CNGB3: variants seen among roughly 807,000 people sequenced by gnomAD.
CNGB3 encodes the protein cyclic nucleotide gated channel subunit beta 3.
CNGB3 carries 86 observed loss-of-function variants against 92.8 expected under a neutral mutation model. That is an observed-to-expected ratio of 0.93 (90% CI 0.78 to 1.11). CNGB3 has a LOEUF of 1.11. CNGB3 is among the 50% of genes least tolerant of loss of function. The pLI is 0.00. For missense variants in CNGB3, 1,026 were observed against 956.8 expected, an observed-to-expected ratio of 1.07 and a Z score of -0.95; for synonymous variants, 333 against 332.7, an observed-to-expected ratio of 1.00 and a Z score of -0.01.
chr8:86,721,569 C>A lies in CNGB3; in HGVS notation c.338+4962G>T, dbSNP rs547395524. On this transcript the variant is annotated intron_variant, in intron 3 of 17. Transcript: ENST00000320005. ...TATTGAAATAAAAAATAAATAAAAA[C>A]AGATTTGATGATCTGTTGTTTAAAT... is the stretch of plus-strand genomic sequence containing the variant. Among the ~76,000 whole-genome samples the A allele has an allele frequency of 2.2e-4, 34 of 152,102 alleles. No individual in the cohort carries two copies. The South Asian group carries it at 6.9e-3, about 31-fold the overall frequency.
intron 13 of CNGB3, among the ~76,000 whole-genome samples, chr8:86,613,664 C>T (rs988665580): frequency 3.3e-5 from 5 of 151,804 alleles, no homozygotes; most frequent in Admixed American, 6.6e-5. Context: ...CACTTATATT[C>T]GTTTTCATAT....
At chr8:86,656,111 G>A (rs1230834467) in intron 6 of CNGB3, among the ~76,000 whole-genome samples, 1 of 152,118 alleles carries the variant, frequency 6.6e-6, no homozygotes, top group Non-Finnish European at 1.5e-5. Context: ...TATATGACAT[G>A]CTCATTTAAT....
chr8:86,593,247 C>T (rs1315014293), intron 15 of CNGB3, among the ~76,000 whole-genome samples: 1 of 152,188 alleles, frequency 6.6e-6, no homozygotes, highest in Non-Finnish European at 1.5e-5. Context: ...CTGGGTATAA[C>T]TTCTAAGGAA....
chr8:86,667,168 A>T (rs1823759384), intron 5 of CNGB3, 35 bp from the exon 6 acceptor site: 2 of 1,569,170 alleles, frequency 1.3e-6, no homozygotes, highest in Non-Finnish European at 1.8e-6. Context: ...TCCAAATGAC[A>T]TAGAACAAAC....
intron 6 of CNGB3, chr8:86,661,263 G>C (rs1374984996): frequency 1.8e-5 from 6 of 338,012 alleles, no homozygotes; most frequent in Admixed American, 3.5e-5. Context: ...AAGACTATCA[G>C]GGTCGACCTT....
chr8:86,737,739 C>T (rs1825271718), intron 2 of CNGB3, among the ~76,000 whole-genome samples: 1 of 152,122 alleles, frequency 6.6e-6, no homozygotes, highest in Non-Finnish European at 1.5e-5. Flanking sequence ...TTCTCCCATC[C>T]TCCACCCTCA....
At chr8:86,638,211 A>G (rs1448093777) in intron 10 of CNGB3, among the ~76,000 whole-genome samples, 3 of 152,126 alleles carry the variant, frequency 2.0e-5, no homozygotes, top group East Asian at 3.8e-4. Context: ...CTGTGAACAT[A>G]TATTTTCATT....
At chr8:86,714,669 T>A (rs1563764012) in intron 3 of CNGB3, among the ~76,000 whole-genome samples, 1 of 151,944 alleles carries the variant, frequency 6.6e-6, no homozygotes, top group East Asian at 1.9e-4. Flanking sequence ...AGGAACTAGA[T>A]CACTGCTGCA....
In CNGB3 at chr8:86,669,861, AT is replaced by A. The variant is rs573701899; in HGVS notation, c.493+1082del. On this transcript the variant is annotated intron_variant, in intron 4 of 17. Transcript: ENST00000320005. ...TTTTGTGCTCTATATTATCATATTGATTTTTTTTTTTTCGGAGTCTTGCTCT... is the reference window on the plus strand; with the variant it reads ...TTTTGTGCTCTATATTATCATATTGATTTTTTTTTTTCGGAGTCTTGCTCT... Among the ~76,000 whole-genome samples the A allele has an allele frequency of 9.4e-3, 1,389 of 147,108 alleles. 19 individuals are homozygous for A. Among genetic ancestry groups the A allele is most frequent in the African/African-American group, 0.031 (1,265 of 40,304 alleles).
At chr8:86,701,444 C>T (rs889236542) in intron 3 of CNGB3, among the ~76,000 whole-genome samples, 1 of 152,226 alleles carries the variant, frequency 6.6e-6, no homozygotes, top group Admixed American at 6.5e-5. Flanking sequence ...AGAAGACAAG[C>T]TTTGGAGGAC....
chr8:86,625,004 C>T (rs2131579520), intron 13 of CNGB3, among the ~76,000 whole-genome samples: 1 of 152,258 alleles, frequency 6.6e-6, no homozygotes, highest in African/African-American at 2.4e-5. Context: ...ATATAAGATG[C>T]CTGCCCCTGC....
At chr8:86,623,310 G>T (rs1169791585) in intron 13 of CNGB3, among the ~76,000 whole-genome samples, 2 of 152,104 alleles carry the variant, frequency 1.3e-5, no homozygotes, top group Non-Finnish European at 2.9e-5. Context: ...ATCTGTTTTT[G>T]TGCTGATATT....
intron 4 of CNGB3, among the ~76,000 whole-genome samples, chr8:86,670,294 C>A (rs1358065016): frequency 6.6e-6 from 1 of 152,168 alleles, no homozygotes; most frequent in Admixed American, 6.5e-5. Flanking sequence ...CTTTGCATAA[C>A]ATGGGTATTT....
chr8:86,653,779 A>G (rs1209440237), intron 7 of CNGB3, among the ~76,000 whole-genome samples: 1 of 152,148 alleles, frequency 6.6e-6, no homozygotes, highest in Non-Finnish European at 1.5e-5. Flanking sequence ...TAGAATTCAA[A>G]TCTGGGCACT....
chr8:86,739,489 A>T lies in CNGB3; in HGVS notation c.211+166T>A, dbSNP rs1825303387. On this transcript the variant is annotated intron_variant, in intron 2 of 17. Coordinates refer to ENST00000320005, the MANE Select transcript of CNGB3 (RefSeq NM_019098.5). The stretch of plus-strand genomic sequence containing the variant: ...ATTGCATGGACAAATGAGTTACTGA[A>T]TGAGGATATAAAGTTTTTGAAATAT... Among the ~76,000 whole-genome samples, 3 of 152,228 alleles carry T rather than the reference A, an allele frequency of 2.0e-5. No homozygotes were observed. In the South Asian group the frequency reaches 6.2e-4, roughly 32 times the overall value.
chr8:86,656,535 C>T (rs992175891), intron 6 of CNGB3, among the ~76,000 whole-genome samples: 3 of 152,130 alleles, frequency 2.0e-5, no homozygotes, highest in African/African-American at 7.2e-5. Context: ...TTTAAAATGT[C>T]ACCCCACTTA....
At chr8:86,695,850 G>T (rs1377566472) in intron 3 of CNGB3, among the ~76,000 whole-genome samples, 3 of 152,094 alleles carry the variant, frequency 2.0e-5, no homozygotes. Flanking sequence ...CCCTTGATTT[G>T]GTGCTCTCCC....
intron 11 of CNGB3, among the ~76,000 whole-genome samples, chr8:86,629,885 C>T (rs1563732917): frequency 6.6e-6 from 1 of 152,134 alleles, no homozygotes; most frequent in South Asian, 2.1e-4. Context: ...TAGAGGGAGG[C>T]AAGTGGCTGT....
At chr8:86,597,171 T>TA (rs1189666171) in intron 15 of CNGB3, among the ~76,000 whole-genome samples, 4 of 152,054 alleles carry the variant, frequency 2.6e-5, no homozygotes, top group East Asian at 1.9e-4. Context: ...TAAAGTATAA[T>TA]AAAAAACAAT....
Sources: allele counts gnomAD v4.1 joint callset (sites outside exome capture counted in the v4.1 genomes callset), GRCh38; gene constraint gnomAD v4.1.1; transcripts MANE v1.5; gene names NCBI Gene and HGNC (gene_info 2026-07-23, HGNC 2026-07-21).